Variants in PDZRN3 observed in about 807,000 individuals in gnomAD.
The protein encoded by PDZRN3 is PDZ domain containing ring finger 3, also known as E3 ubiquitin-protein ligase PDZRN3.
In PDZRN3, 38 loss-of-function variants were observed where a neutral mutation model predicts 85.7. The ratio of observed to expected loss-of-function variants is 0.44; its 90% confidence interval spans 0.34 to 0.58. The LOEUF is 0.58. Ranked by LOEUF, PDZRN3 falls within the 20% of genes least tolerant of loss-of-function variation. The pLI, the probability that PDZRN3 is intolerant of heterozygous loss-of-function variation, is 0.01. For synonymous variants in PDZRN3, 759 were observed against 638.0 expected (o/e 1.19, Z -2.86); for missense variants, 1,629 against 1,506.4 (o/e 1.08, Z -1.35).
chr3:73,426,724 C>T lies in PDZRN3; in HGVS notation c.919-22329G>A, dbSNP rs550967165. Among the ~76,000 whole-genome samples the T allele has an allele frequency of 2.6e-5, 4 of 152,288 alleles. No individual in the cohort carries two copies. The East Asian group carries it at 7.7e-4, about 29-fold the overall frequency. The stretch of plus-strand genomic sequence containing the variant: ...CCTAAACGTGAACTTGCGCCAAACC[C>T]ACCTGGAGCCCTTGTGAAACAAATT... On this transcript the variant is annotated intron_variant, in intron 3 of 9. Coordinates refer to ENST00000263666, the MANE Select transcript of PDZRN3 (RefSeq NM_015009.3).
rs1396172860 is a variant in PDZRN3, at chr3:73,608,641, G to A, written c.767C>T (p.Ser256Phe). The stretch of plus-strand genomic sequence containing the variant: ...AATAATATTGAATCCCAGGGAGCCG[G>A]AGTCCCGATGCAGGACAAGAGTCAG... ...KSLTLVLHRD[S>F]GSLGFNIIGG... Residue 256 changes from serine (S) to phenylalanine (F), a missense_variant, in exon 2 of 10, where the codon TCC (serine) becomes TTC (phenylalanine). By Grantham distance (155) the Ser-to-Phe change is radical. Transcript: ENST00000263666. 11 of 1,612,946 alleles carry A rather than the reference G, an allele frequency of 6.8e-6. No homozygotes were observed. The highest frequency in any genetic ancestry group is 1.7e-5 in the Admixed American group (1 of 59,924).
chr3:73,437,725 T>C (rs189789646), intron 3 of PDZRN3, among the ~76,000 whole-genome samples: 1 of 152,316 alleles, frequency 6.6e-6, no homozygotes, highest in Admixed American at 6.5e-5. Context: ...ATTTTTTTTT[T>C]CTAATTTAAA....
At chr3:73,622,700 G>C (rs1702886729) in intron 1 of PDZRN3, among the ~76,000 whole-genome samples, 1 of 152,180 alleles carries the variant, frequency 6.6e-6, no homozygotes, top group Admixed American at 6.5e-5. Flanking sequence ...CCAAAACTGA[G>C]AACTCTGAGG....
intron 3 of PDZRN3, among the ~76,000 whole-genome samples, chr3:73,542,753 G>A (rs1575723746): frequency 1.3e-5 from 2 of 151,732 alleles, no homozygotes; most frequent in African/African-American, 2.4e-5. Flanking sequence ...CAGCCTGGGC[G>A]ACAAGTGGGA....
intron 3 of PDZRN3, among the ~76,000 whole-genome samples, chr3:73,527,653 G>GGGAAA (rs1704555391): frequency 6.6e-6 from 1 of 152,024 alleles, no homozygotes; most frequent in African/African-American, 2.4e-5. Context: ...AGTTGTTTCA[G>GGGAAA]GGAAAGTGGC....
intron 3 of PDZRN3, among the ~76,000 whole-genome samples, chr3:73,454,548 G>A (rs575856238): frequency 6.6e-6 from 1 of 152,318 alleles, no homozygotes; most frequent in East Asian, 1.9e-4. Flanking sequence ...GGATTTACTT[G>A]TTTGCTTTGC....
chr3:73,388,017 C>G lies in PDZRN3; in HGVS notation c.1469G>C (p.Ser490Thr). Residue 490 changes from serine (S) to threonine (T), a missense_variant, in exon 8 of 10, where the codon AGT becomes ACT. By Grantham distance (58) the Ser-to-Thr change is moderately conservative. Transcript: ENST00000263666. ...NREEAVALLT[S>T]EENKNFSLLI... ...CAATGAAAAGTTTTTATTTTCTTCA[C>G]TGGTTAGAAGAGCCACAGCCTCTTC... The G allele has an allele frequency of 3.9e-6, 6 of 1,532,282 alleles. No individual in the cohort carries two copies. Among genetic ancestry groups the G allele is most frequent in the East Asian group, 2.7e-5 (1 of 37,410 alleles). The allele number at this position is 1,532,282 out of a possible 1,614,324, so 94.9% of individuals were successfully genotyped here.
rs1249712550 is a variant in PDZRN3, at chr3:73,382,538, T to G, written c.*827A>C. 1 of 152,658 alleles carries G rather than the reference T, an allele frequency of 6.6e-6. No homozygotes were observed. Among genetic ancestry groups the G allele is most frequent in the African/African-American group, 2.4e-5 (1 of 41,466 alleles). The allele number at this position is 152,658 out of a possible 1,614,324, so 9.5% of individuals were successfully genotyped here. ...TTTATTTTAACTTCATTTTACTGTT[T>G]GTAACTAATCATGATTTTGTGAACT... On this transcript the variant is annotated 3_prime_UTR_variant, in exon 10 of 10. Coordinates refer to ENST00000263666, the MANE Select transcript of PDZRN3 (RefSeq NM_015009.3).
intron 5 of PDZRN3, among the ~76,000 whole-genome samples, chr3:73,394,160 A>G (rs1484749847): frequency 6.6e-6 from 1 of 152,166 alleles, no homozygotes; most frequent in Non-Finnish European, 1.5e-5. Flanking sequence ...ATCAAGAACC[A>G]CTTACGCTTC....
At chr3:73,557,104 T>A (rs1350817300) in intron 3 of PDZRN3, among the ~76,000 whole-genome samples, 1 of 151,898 alleles carries the variant, frequency 6.6e-6, no homozygotes, top group Non-Finnish European at 1.5e-5. Flanking sequence ...TGTGCCCAGA[T>A]CCTGCACAGA....
intron 3 of PDZRN3, among the ~76,000 whole-genome samples, chr3:73,507,005 C>A (rs1448719017): frequency 6.6e-6 from 1 of 152,090 alleles, no homozygotes; most frequent in Admixed American, 6.6e-5. Flanking sequence ...CCAGCACAGG[C>A]ATAGGTTGAA....
intron 3 of PDZRN3, among the ~76,000 whole-genome samples, chr3:73,435,743 TA>T (rs1702519089): frequency 6.6e-6 from 1 of 152,090 alleles, no homozygotes; most frequent in South Asian, 2.1e-4. Context: ...CTCTCCTGCC[TA>T]CTCACCAGTT....
intron 3 of PDZRN3, among the ~76,000 whole-genome samples, chr3:73,459,579 G>A (rs540917297): frequency 6.6e-6 from 1 of 152,002 alleles, no homozygotes; most frequent in Non-Finnish European, 1.5e-5. Context: ...CACTTAGTTC[G>A]CACTTACAAG....
In PDZRN3 at chr3:73,556,200, T is replaced by A. The variant is rs1187913849; in HGVS notation, c.918+46154A>T. On this transcript the variant is annotated intron_variant, in intron 3 of 9. Coordinates refer to ENST00000263666, the MANE Select transcript of PDZRN3 (RefSeq NM_015009.3). ...AAATCTCACATTTAATAAGTAATAA[T>A]CATAATCTATGAAAGTTTTTCATTT... 1.3e-5 allele frequency among the ~76,000 whole-genome samples: 2 copies of A among 152,168 alleles called. 1 individual carries two copies. Among genetic ancestry groups the A allele is most frequent in the Non-Finnish European group, 2.9e-5 (2 of 68,026 alleles).
rs374074242 is a variant in PDZRN3 at position 73,523,034 on chromosome 3, G to GT, written c.918+79319dup. ...TTTTTGTTTGTTTGTTTGTTTGTTT[G>GT]TTTTTTGAGAAGAAGTCTCGCTCTG... On this transcript the variant is annotated intron_variant, in intron 3 of 9. Transcript: ENST00000263666. Among the ~76,000 whole-genome samples the GT allele has an allele frequency of 3.3e-3, 501 of 151,780 alleles. 2 individuals are homozygous for GT. Among genetic ancestry groups the GT allele is most frequent in the African/African-American group, 0.012 (479 of 41,460 alleles).
intron 3 of PDZRN3, among the ~76,000 whole-genome samples, chr3:73,443,361 T>A (rs1214310961): frequency 6.6e-6 from 1 of 152,208 alleles, no homozygotes; most frequent in African/African-American, 2.4e-5. Flanking sequence ...TGGGTGACTT[T>A]CCACATGGAG....
At position 73,384,103 on chromosome 3, in the gene PDZRN3, G is replaced by C. The variant is rs373991550; in HGVS notation, c.2463C>G (p.Thr821=). ...CCAGCTCCTTCAGGGACGGGCTATA[G>C]GTAGGGGTGCCCACTTCGGGATCTT... The part of the protein sequence containing the change: ...ITEDPEVGTP[T]YSPSLKELDP... Residue 821 remains threonine (T), a synonymous_variant, in exon 10 of 10, where the codon ACC becomes ACG. Coordinates refer to ENST00000263666, the MANE Select transcript of PDZRN3 (RefSeq NM_015009.3). The C allele has an allele frequency of 9.3e-6, 15 of 1,613,874 alleles. No homozygotes were observed. Among genetic ancestry groups the C allele is most frequent in the African/African-American group, 1.3e-5 (1 of 74,934 alleles).
chr3:73,485,921 G>A (rs1286655307), intron 3 of PDZRN3, among the ~76,000 whole-genome samples: 4 of 152,182 alleles, frequency 2.6e-5, no homozygotes, highest in African/African-American at 7.2e-5. Context: ...TCTCTATCAA[G>A]TAATTAACAA....
chr3:73,417,113 A>G (rs4677279), intron 3 of PDZRN3, among the ~76,000 whole-genome samples: 110,404 of 151,934 alleles, frequency 0.73, 40,269 homozygotes, highest in East Asian at 0.87. Context: ...AACTCCTGCC[A>G]TGGCCTCCCA....
Sources: allele counts gnomAD v4.1 joint callset (sites outside exome capture counted in the v4.1 genomes callset), GRCh38; gene constraint gnomAD v4.1.1; transcripts MANE v1.5; gene names NCBI Gene and HGNC (gene_info 2026-07-23, HGNC 2026-07-21).